The following BLTP3B variants were observed in gnomAD, a reference collection of about 807,000 sequenced individuals.
BLTP3B encodes the protein bridge-like lipid transfer protein family member 3B, also known as UHRF1 (ICBP90) binding protein 1-like.
At chr12:100,079,674 G>A in the BLTP3B span, among the ~76,000 whole-genome samples, 11 of 152,202 alleles carry the variant, frequency 7.2e-5, no homozygotes, top group Non-Finnish European at 1.2e-4. Flanking sequence ...AGAAATTTGC[G>A]TAAGTAAAGA....
the BLTP3B span, among the ~76,000 whole-genome samples, chr12:100,040,453 G>A: frequency 0.063 from 9,620 of 152,176 alleles, 338 homozygotes; most frequent in Middle Eastern, 0.15. Flanking sequence ...AGGCCAAGAC[G>A]GGTGGATCAC....
chr12:100,091,666 C>G, the BLTP3B span, among the ~76,000 whole-genome samples: 1 of 151,706 alleles, frequency 6.6e-6, no homozygotes, highest in East Asian at 1.9e-4. Context: ...CCACGCCCGG[C>G]TAAATTTTTT....
At chr12:100,049,973 C>T in the BLTP3B span, among the ~76,000 whole-genome samples, 1 of 152,052 alleles carries the variant, frequency 6.6e-6, no homozygotes, top group Non-Finnish European at 1.5e-5. Context: ...CCCCTTATAC[C>T]ATGGAACCAT....
the BLTP3B span, among the ~76,000 whole-genome samples, chr12:100,103,640 A>G: frequency 6.6e-6 from 1 of 152,320 alleles, no homozygotes; most frequent in South Asian, 2.1e-4. Context: ...ATAATCCCAT[A>G]GTACATCAAC....
chr12:100,052,983 C>T, the BLTP3B span, among the ~76,000 whole-genome samples: 1 of 151,132 alleles, frequency 6.6e-6, no homozygotes, highest in African/African-American at 2.4e-5. Flanking sequence ...TTAGTAGAGA[C>T]GGGGTTTCAC....
chr12:100,087,085 G>C, the BLTP3B span, among the ~76,000 whole-genome samples: 2 of 150,594 alleles, frequency 1.3e-5, no homozygotes, highest in South Asian at 4.2e-4. Context: ...CTTGAACCTG[G>C]GAGGCAGAGG....
At chr12:100,135,123 C>T in the BLTP3B span, among the ~76,000 whole-genome samples, 1 of 152,146 alleles carries the variant, frequency 6.6e-6, no homozygotes, top group African/African-American at 2.4e-5. Context: ...TCTTTGATCG[C>T]ATCTTCCTCT....
At chr12:100,128,100 A>G in the BLTP3B span, among the ~76,000 whole-genome samples, 1 of 152,236 alleles carries the variant, frequency 6.6e-6, no homozygotes, top group Non-Finnish European at 1.5e-5. Flanking sequence ...TTTGATAAAG[A>G]TAACTATCAT....
chr12:100,093,543 C>G, the BLTP3B span, among the ~76,000 whole-genome samples: 1 of 152,224 alleles, frequency 6.6e-6, no homozygotes, highest in African/African-American at 2.4e-5. Flanking sequence ...AATTGCCACT[C>G]TATCTTGTTT....
At chr12:100,053,831 C>T in the BLTP3B span, among the ~76,000 whole-genome samples, 1 of 152,090 alleles carries the variant, frequency 6.6e-6, no homozygotes, top group Non-Finnish European at 1.5e-5. Flanking sequence ...TTGAAGATAT[C>T]ACATTAGTAT....
the BLTP3B span, chr12:100,039,865 CT>C: frequency 7.4e-7 from 1 of 1,351,936 alleles, no homozygotes. Context: ...TTGTGAAAAT[CT>C]AATTTAAAAC....
At chr12:100,140,560 C>G in the BLTP3B span, among the ~76,000 whole-genome samples, 34 of 150,952 alleles carry the variant, frequency 2.3e-4, no homozygotes, top group Admixed American at 2.2e-3. Flanking sequence ...ACAAAATTAG[C>G]CAGGCGTGGT....
the BLTP3B span, among the ~76,000 whole-genome samples, chr12:100,096,427 G>A: frequency 6.6e-6 from 1 of 152,054 alleles, no homozygotes; most frequent in Non-Finnish European, 1.5e-5. Context: ...ATAATTACTT[G>A]TATTAATTCA....
chr12:100,104,869 T>C, the BLTP3B span, among the ~76,000 whole-genome samples: 2 of 79,556 alleles, frequency 2.5e-5, no homozygotes, highest in Non-Finnish European at 4.5e-5. Context: ...CCTTTTACAA[T>C]AACTACTGCT....
chr12:100,131,200 A>AC, the BLTP3B span, among the ~76,000 whole-genome samples: 2 of 151,472 alleles, frequency 1.3e-5, no homozygotes, highest in African/African-American at 4.8e-5. Context: ...GGTCCCCACT[A>AC]CTCAGGAGGC....
the BLTP3B span, among the ~76,000 whole-genome samples, chr12:100,086,987 C>T: frequency 1.3e-5 from 2 of 151,860 alleles, no homozygotes; most frequent in African/African-American, 2.4e-5. Context: ...AGTGAAACTC[C>T]GTCTCTACTA....
chr12:100,136,797 T>C, the BLTP3B span, among the ~76,000 whole-genome samples: 1 of 150,132 alleles, frequency 6.7e-6, no homozygotes, highest in Non-Finnish European at 1.5e-5. Context: ...ATAGCTTTTC[T>C]TTTCTTTTTT....
chr12:100,093,647 G>A, the BLTP3B span, among the ~76,000 whole-genome samples: 6 of 152,140 alleles, frequency 3.9e-5, no homozygotes, highest in Non-Finnish European at 8.8e-5. Context: ...TAGGATTAGA[G>A]TCATTATGGA....
the BLTP3B span, among the ~76,000 whole-genome samples, chr12:100,110,097 A>G: frequency 6.6e-6 from 1 of 152,212 alleles, no homozygotes; most frequent in Admixed American, 6.5e-5. Context: ...TCAAAAGTGA[A>G]ATTACTGAAA....
Sources: allele counts gnomAD v4.1 joint callset (sites outside exome capture counted in the v4.1 genomes callset), GRCh38; gene constraint gnomAD v4.1.1; transcripts MANE v1.5; gene names NCBI Gene and HGNC (gene_info 2026-07-23, HGNC 2026-07-21).